KAT6B: variants seen among roughly 807,000 people sequenced by gnomAD.
KAT6B encodes lysine acetyltransferase 6B.
KAT6B carries 10 observed loss-of-function variants against 187.5 expected under a neutral mutation model. That is an observed-to-expected ratio of 0.05 (90% CI 0.03 to 0.09). The LOEUF is 0.09. Among genes scored for constraint, KAT6B ranks in the 10% least tolerant of loss-of-function variants. KAT6B has a pLI of 1.00. For synonymous variants in KAT6B, 861 were observed against 926.8 expected (o/e 0.93, Z 1.29); for missense variants, 1,952 against 2,558.9 (o/e 0.76, Z 5.12).
chr10:74,962,454 T>C (rs2133552229), intron 4 of KAT6B, among the ~76,000 whole-genome samples: 1 of 152,298 alleles, frequency 6.6e-6, no homozygotes, highest in Admixed American at 6.5e-5. Context: ...GTTGACCTTA[T>C]GGAAATGGCT....
Position 74,843,431 on chromosome 10 carries a change from C to G in KAT6B, c.574C>G (p.Pro192Ala). The change falls in exon 3 of 18, where the codon CCA becomes GCA. Residue 192 changes from proline (P) to alanine (A), a missense_variant. Physicochemically the swap from Pro to Ala is conservative, Grantham distance 27. Around this residue, in one of 9 missense-constraint regions of KAT6B, gnomAD observed 218 missense variants for 282.6 expected, o/e 0.77. Coordinates refer to ENST00000287239, the MANE Select transcript of KAT6B (RefSeq NM_012330.4). ...KGAPQYPSAF[P>A]SSLPPVSLLP... ...GGCACCTCAGTATCCCAGTGCATTCCCATCCTCGCTCCCACCTGTCAGCCT... is the reference window on the plus strand; with the variant it reads ...GGCACCTCAGTATCCCAGTGCATTCGCATCCTCGCTCCCACCTGTCAGCCT... 11 of 1,614,004 alleles carry G rather than the reference C, an allele frequency of 6.8e-6. No individual in the cohort carries two copies. The highest frequency in any genetic ancestry group is 8.5e-6 in the Non-Finnish European group (10 of 1,180,018).
intron 3 of KAT6B, among the ~76,000 whole-genome samples, chr10:74,852,404 G>A (rs1220669472): frequency 6.6e-6 from 1 of 152,156 alleles, no homozygotes. Flanking sequence ...TCAAATACTT[G>A]CTGTTCCAGG....
At chr10:74,973,237 A>G (rs1016620345) in intron 7 of KAT6B, among the ~76,000 whole-genome samples, 1 of 152,242 alleles carries the variant, frequency 6.6e-6, no homozygotes, top group East Asian at 1.9e-4. Flanking sequence ...CTGGAAATCT[A>G]CTATGATAAC....
At chr10:74,969,188 T>C in intron 4 of KAT6B, among the ~76,000 whole-genome samples, 1 of 152,200 alleles carries the variant, frequency 6.6e-6, no homozygotes. Flanking sequence ...GCATCTGTAG[T>C]TATGTTAAGC....
chr10:75,018,040 G>T (rs186101955), intron 13 of KAT6B, among the ~76,000 whole-genome samples: 101 of 152,350 alleles, frequency 6.6e-4, no homozygotes, highest in African/African-American at 2.4e-3. Context: ...CCATGCAGGG[G>T]TCCCTTCGGA....
At chr10:74,885,115 C>T (rs952375509) in intron 3 of KAT6B, among the ~76,000 whole-genome samples, 23 of 151,258 alleles carry the variant, frequency 1.5e-4, no homozygotes, top group African/African-American at 5.4e-4. Context: ...TTACCCAGGC[C>T]GGAGTGCAGT....
rs565821467 is a variant in KAT6B, at chr10:74,861,061, C to T, written c.621+17583C>T. Among the ~76,000 whole-genome samples, 47 of 151,920 alleles carry T rather than the reference C, an allele frequency of 3.1e-4. No homozygotes were observed. In the South Asian group the frequency reaches 6.0e-3, roughly 19 times the overall value. Reference sequence around the variant, plus strand: ...CTGAGGCGGGAGAATCACTTGAACCCGGGAGGTGGAGGTTGCGGGAGCTGA... The same window carrying T: ...CTGAGGCGGGAGAATCACTTGAACCTGGGAGGTGGAGGTTGCGGGAGCTGA... On this transcript the variant is annotated intron_variant, in intron 3 of 17. Coordinates refer to ENST00000287239, the MANE Select transcript of KAT6B (RefSeq NM_012330.4).
chr10:75,030,546 T>G lies in KAT6B; in HGVS notation c.5722T>G (p.Ser1908Ala). The change falls in exon 18 of 18, where the codon TCT (serine) becomes GCT (alanine). Residue 1908 changes from serine to alanine, a missense_variant. Ser to Ala is a moderately conservative substitution (Grantham distance 99, BLOSUM62 1). This residue lies in a region of KAT6B where 358 missense variants were observed against 436.3 expected (regional missense o/e 0.82). Coordinates refer to ENST00000287239, the MANE Select transcript of KAT6B (RefSeq NM_012330.4). The surrounding 1 kb of genome is among the most constrained non-coding windows in gnomAD (Gnocchi z 4.8). ...RNMAASNIGI[S>A]HSQRLQTQIA... ...CATGGCTGCATCAAATATTGGCATC[T>G]CTCACAGCCAAAGACTGCAAACCCA... The G allele has an allele frequency of 6.2e-7, 1 of 1,607,404 alleles. No individual in the cohort carries two copies. The highest frequency in any genetic ancestry group is 1.7e-5 in the Admixed American group (1 of 59,756).
At chr10:74,982,894 T>G (rs889198079) in intron 11 of KAT6B, 1 of 152,252 alleles carries the variant, frequency 6.6e-6, no homozygotes, top group Non-Finnish European at 1.5e-5. Flanking sequence ...TTATTCTGCC[T>G]TACAGTTCTC....
chr10:74,950,230 A>G (rs1388337972), intron 3 of KAT6B, among the ~76,000 whole-genome samples: 3 of 152,222 alleles, frequency 2.0e-5, no homozygotes, highest in East Asian at 3.8e-4. Flanking sequence ...ATGAAATTGC[A>G]AGAATAGCCA....
chr10:75,020,561 C>A, intron 13 of KAT6B, 21 bp from the exon 14 acceptor site: 1 of 1,547,696 alleles, frequency 6.5e-7, no homozygotes, highest in Non-Finnish European at 8.9e-7. Flanking sequence ...GAGGAATGCC[C>A]ATTTATTTTT....
At chr10:74,986,960 T>G (rs1407566260) in intron 12 of KAT6B, among the ~76,000 whole-genome samples, 1 of 152,068 alleles carries the variant, frequency 6.6e-6, no homozygotes, top group Non-Finnish European at 1.5e-5. Flanking sequence ...ATTCTTGAAG[T>G]TTGAATTTCT....
At position 74,911,388 on chromosome 10, in the gene KAT6B, T is replaced by C. The variant is rs531013153; in HGVS notation, c.622-48582T>C. ...TTCAAACGATTCTCCTGCCTCAGCT[T>C]CCTGAGTAGCTGGGATTATAGTTGC... On this transcript the variant is annotated intron_variant, in intron 3 of 17. Coordinates refer to ENST00000287239, the MANE Select transcript of KAT6B (RefSeq NM_012330.4). 2.6e-3 allele frequency among the ~76,000 whole-genome samples: 391 copies of C among 152,066 alleles called. 3 individuals are homozygous for C. The highest frequency in any genetic ancestry group is 9.0e-3 in the African/African-American group (375 of 41,456).
chr10:74,975,326 A>G (rs1230574425), intron 7 of KAT6B, 73 bp from the exon 8 acceptor site: 1 of 1,267,468 alleles, frequency 7.9e-7, no homozygotes, highest in Non-Finnish European at 1.1e-6. Context: ...TCTAGTTGCA[A>G]TAAATTTGTT....
intron 3 of KAT6B, among the ~76,000 whole-genome samples, chr10:74,861,905 G>A (rs1843214818): frequency 2.6e-5 from 4 of 152,176 alleles, no homozygotes; most frequent in Non-Finnish European, 2.9e-5. Context: ...CAGTACCTGA[G>A]TAGTTCTAAA....
rs561090788 is a variant in KAT6B, at chr10:74,973,678, GAGT to G, written c.1061+1040_1061+1042del. Among the ~76,000 whole-genome samples, 106 of 152,132 alleles carry G rather than the reference GAGT, an allele frequency of 7.0e-4. 2 individuals are homozygous for G. Among genetic ancestry groups the G allele is most frequent in the Admixed American group, 1.4e-3 (21 of 15,270 alleles). On this transcript the variant is annotated intron_variant, in intron 7 of 17. Transcript: ENST00000287239. ...AGTAAGAAATGCAGGCTCCTTTCTA[GAGT>G]TTTCTATGAAACTTTGCAAAAACCC...
At chr10:74,879,778 A>G (rs186073365) in intron 3 of KAT6B, among the ~76,000 whole-genome samples, 20 of 152,090 alleles carry the variant, frequency 1.3e-4, no homozygotes, top group South Asian at 1.0e-3. Flanking sequence ...TCTAATGGAC[A>G]GTGTTTAGAT....
rs1589737667 is a variant in KAT6B, at chr10:74,975,785, C to T, written c.1448C>T (p.Thr483Ile). The T allele has an allele frequency of 6.2e-7, 1 of 1,614,150 alleles. No homozygotes were observed. Among genetic ancestry groups the T allele is most frequent in the East Asian group, 2.2e-5 (1 of 44,892 alleles). The change falls in exon 8 of 18, where the codon ACC becomes ATC. Residue 483 changes from threonine to isoleucine, a missense_variant. Thr to Ile is a moderately conservative substitution (Grantham distance 89). Around this residue, in one of 9 missense-constraint regions of KAT6B, gnomAD observed 417 missense variants for 508.9 expected, o/e 0.82. Transcript: ENST00000287239. Reference protein sequence around the residue: ...SCTSHVLATGTTQKLKPPPSS... With the variant: ...SCTSHVLATGITQKLKPPPSS... Reference sequence around the variant, plus strand: ...ACTTCTCATGTGTTGGCTACAGGTACCACACAAAAGCTAAAACCTCCACCT... The same window carrying T: ...ACTTCTCATGTGTTGGCTACAGGTATCACACAAAAGCTAAAACCTCCACCT...
chr10:74,975,663 T>C lies in KAT6B; in HGVS notation c.1326T>C (p.Phe442=), dbSNP rs1160026809. ...TCATTGATGGCCTTACTAAGTTTTT[T>C]ACACCATCACCTGATGGTCGCAGAT... ...KGLIDGLTKF[F]TPSPDGRRSR... Residue 442 remains phenylalanine (F), a synonymous_variant, in exon 8 of 18, where the codon TTT becomes TTC. Coordinates refer to ENST00000287239, the MANE Select transcript of KAT6B (RefSeq NM_012330.4). 2 of 1,614,206 alleles carry C rather than the reference T, an allele frequency of 1.2e-6. No individual in the cohort carries two copies. The highest frequency in any genetic ancestry group is 1.7e-6 in the Non-Finnish European group (2 of 1,180,050).
Sources: gnomAD v4.1 joint callset for allele counts (sites outside exome capture counted in the v4.1 genomes callset) on GRCh38, gnomAD v4.1.1 for gene constraint, gnomAD v4.1.1 regional missense constraint, Gnocchi (gnomAD v3.1) non-coding constraint, MANE v1.5 for transcripts, NCBI Gene and HGNC (gene_info 2026-07-23, HGNC 2026-07-21) for gene names.